The following GRID2 variants were observed in gnomAD, a reference collection of about 807,000 sequenced individuals.
GRID2 encodes the protein glutamate ionotropic receptor delta type subunit 2.
In GRID2, 33 loss-of-function variants were observed where a neutral mutation model predicts 114.8. That is an observed-to-expected ratio of 0.29 (90% confidence interval 0.22 to 0.38). GRID2 has a LOEUF of 0.38. GRID2 is among the 10% of genes least tolerant of loss of function. The pLI is 1.00. For synonymous variants in GRID2, 505 were observed against 449.9 expected (o/e 1.12, Z -1.55); for missense variants, 1,184 against 1,257.7 (o/e 0.94, Z 0.89).
chr4:93,021,002 C>T (rs1723226420), intron 2 of GRID2, among the ~76,000 whole-genome samples: 1 of 150,520 alleles, frequency 6.6e-6, no homozygotes, highest in Non-Finnish European at 1.5e-5. Context: ...CATTGCATTC[C>T]AGCCTGGGTG....
intron 2 of GRID2, among the ~76,000 whole-genome samples, chr4:92,786,541 A>T (rs1739330278): frequency 6.6e-6 from 1 of 151,916 alleles, no homozygotes; most frequent in South Asian, 2.1e-4. Flanking sequence ...AGAAAGAAAG[A>T]ATATTCAATT....
intron 2 of GRID2, among the ~76,000 whole-genome samples, chr4:93,008,032 CAAAAAAA>C (rs1273416294): frequency 6.4e-5 from 4 of 62,492 alleles, no homozygotes; most frequent in Non-Finnish European, 1.0e-4. Context: ...GAGACTGTCA[CAAAAAAA>C]AAAAAAAAAA....
chr4:93,769,336 G>A lies in GRID2; in HGVS notation c.2487G>A (p.Lys829=), dbSNP rs1733932774. The change falls in exon 15 of 16, where the codon AAG becomes AAA. Residue 829 remains lysine, a synonymous_variant. Coordinates refer to ENST00000282020, the MANE Select transcript of GRID2 (RefSeq NM_001510.4). ...TKQKGGALDI[K]SFAGVFCILA... ...AGAAAGGAGGCGCCCTGGACATAAAGAGCTTTGCAGGGGTCTTTTGTATCC... is the reference window on the plus strand; with the variant it reads ...AGAAAGGAGGCGCCCTGGACATAAAAAGCTTTGCAGGGGTCTTTTGTATCC... 4 of 1,614,106 alleles carry A rather than the reference G, an allele frequency of 2.5e-6. No individual in the cohort carries two copies. Among genetic ancestry groups the A allele is most frequent in the Non-Finnish European group, 2.5e-6 (3 of 1,179,988 alleles).
chr4:93,404,577 T>C (rs1019951124), intron 9 of GRID2, among the ~76,000 whole-genome samples: 1 of 152,098 alleles, frequency 6.6e-6, no homozygotes, highest in Non-Finnish European at 1.5e-5. Flanking sequence ...TTATAAAAAT[T>C]CAAATAACTA....
intron 14 of GRID2, among the ~76,000 whole-genome samples, chr4:93,704,669 A>G (rs1464780863): frequency 6.6e-6 from 1 of 151,978 alleles, no homozygotes; most frequent in Non-Finnish European, 1.5e-5. Context: ...AATCGTTTTC[A>G]TTTTTAGCTC....
At chr4:93,738,115 A>AAG (rs377307468) in intron 14 of GRID2, among the ~76,000 whole-genome samples, 317 of 152,226 alleles carry the variant, frequency 2.1e-3, no homozygotes, top group African/African-American at 6.5e-3. Flanking sequence ...AGGTAAAGAG[A>AAG]AGAGAAAAGC....
intron 2 of GRID2, among the ~76,000 whole-genome samples, chr4:92,676,763 A>G (rs1027151686): frequency 2.0e-5 from 3 of 152,170 alleles, no homozygotes; most frequent in Admixed American, 6.5e-5. Context: ...CAGCAATTTC[A>G]CTTCTGGCTA....
chr4:92,345,606 G>A (rs1560578355), intron 1 of GRID2, among the ~76,000 whole-genome samples: 1 of 152,132 alleles, frequency 6.6e-6, no homozygotes, highest in Non-Finnish European at 1.5e-5. Context: ...AAATATTGCA[G>A]AAAATCATCT....
At chr4:92,704,479 A>G (rs1341821963) in intron 2 of GRID2, among the ~76,000 whole-genome samples, 1 of 152,176 alleles carries the variant, frequency 6.6e-6, no homozygotes, top group Non-Finnish European at 1.5e-5. Flanking sequence ...AAAAAAGGCA[A>G]GGGAACCACA....
At chr4:92,912,944 A>G (rs1748497746) in intron 2 of GRID2, among the ~76,000 whole-genome samples, 1 of 151,870 alleles carries the variant, frequency 6.6e-6, no homozygotes, top group African/African-American at 2.4e-5. Flanking sequence ...TTTGGAACCT[A>G]GAATAGAAAC....
intron 2 of GRID2, among the ~76,000 whole-genome samples, chr4:93,006,614 C>T (rs1181955604): frequency 6.6e-6 from 1 of 150,898 alleles, no homozygotes; most frequent in African/African-American, 2.4e-5. Context: ...AAGAGAGTCA[C>T]TATATCAGAA....
At chr4:92,324,607 A>ACG (rs1726494120) in intron 1 of GRID2, among the ~76,000 whole-genome samples, 1 of 147,914 alleles carries the variant, frequency 6.8e-6, no homozygotes, top group African/African-American at 2.6e-5. Flanking sequence ...ACACACACAC[A>ACG]CACACACACA....
intron 4 of GRID2, among the ~76,000 whole-genome samples, chr4:93,127,583 C>T (rs947484297): frequency 6.6e-6 from 1 of 152,060 alleles, no homozygotes; most frequent in Non-Finnish European, 1.5e-5. Flanking sequence ...CACACTAAAC[C>T]TAGGGGATAG....
At chr4:92,546,619 G>A (rs1198645462) in intron 1 of GRID2, among the ~76,000 whole-genome samples, 20 of 152,156 alleles carry the variant, frequency 1.3e-4, no homozygotes, top group Non-Finnish European at 2.2e-4. Context: ...AAAATCAAAC[G>A]TAATATAGGA....
In GRID2 at chr4:92,693,598, A is replaced by G. The variant is rs1021602548; in HGVS notation, c.244+103312A>G. Reference sequence around the variant, plus strand: ...ATGAACAGGAAATGACTATATTCCCATCTTAAGTTAGAGAATACTGAGACT... The same window carrying G: ...ATGAACAGGAAATGACTATATTCCCGTCTTAAGTTAGAGAATACTGAGACT... On this transcript the variant is annotated intron_variant, in intron 2 of 15. Transcript: ENST00000282020. Among the ~76,000 whole-genome samples, 6 of 152,328 alleles carry G rather than the reference A, an allele frequency of 3.9e-5. 1 individual carries two copies. Among genetic ancestry groups the G allele is most frequent in the East Asian group, 1.9e-4 (1 of 5,188 alleles).
intron 2 of GRID2, among the ~76,000 whole-genome samples, chr4:92,794,774 C>A (rs1049892123): frequency 6.6e-6 from 1 of 150,516 alleles, no homozygotes; most frequent in Non-Finnish European, 1.5e-5. Context: ...AGTTGAAAAT[C>A]CATGTATAAA....
At chr4:92,951,313 C>T (rs1752016149) in intron 2 of GRID2, among the ~76,000 whole-genome samples, 1 of 151,454 alleles carries the variant, frequency 6.6e-6, no homozygotes, top group Admixed American at 6.6e-5. Context: ...TAAAATTGTT[C>T]TCCAAAAATT....
chr4:93,389,150 T>G (rs554075906), intron 8 of GRID2, among the ~76,000 whole-genome samples: 7 of 152,236 alleles, frequency 4.6e-5, no homozygotes, highest in African/African-American at 1.7e-4. Flanking sequence ...ACCCATGACC[T>G]TAAGTGGTTA....
chr4:92,897,634 G>C (rs1274218949), intron 2 of GRID2, among the ~76,000 whole-genome samples: 2 of 152,130 alleles, frequency 1.3e-5, no homozygotes, highest in Admixed American at 6.5e-5. Flanking sequence ...ACTTGGAGTA[G>C]GGGGTCTTCC....
Sources: allele counts gnomAD v4.1 joint callset (sites outside exome capture counted in the v4.1 genomes callset), GRCh38; gene constraint gnomAD v4.1.1; transcripts MANE v1.5; gene names NCBI Gene and HGNC (gene_info 2026-07-23, HGNC 2026-07-21).